Variants in CHRM2 observed in about 807,000 individuals in gnomAD.
CHRM2 encodes the protein muscarinic acetylcholine receptor M2.
In CHRM2, 8 loss-of-function variants were observed where a neutral mutation model predicts 25.0. The observed-to-expected ratio is 0.32, with a 90% CI of 0.19 to 0.58. CHRM2 has a LOEUF of 0.58. Among genes scored for constraint, CHRM2 ranks in the 20% least tolerant of loss-of-function variants. The pLI, the probability that CHRM2 is intolerant of heterozygous loss-of-function variation, is 0.88. For synonymous variants in CHRM2, 202 were observed against 205.7 expected (o/e 0.98, Z 0.15); for missense variants, 440 against 567.1 (o/e 0.78, Z 2.28).
intron 2 of CHRM2, among the ~76,000 whole-genome samples, chr7:136,921,529 T>C (rs922163335): frequency 6.6e-6 from 1 of 152,130 alleles, no homozygotes; most frequent in Non-Finnish European, 1.5e-5. Flanking sequence ...TTTCAGCATG[T>C]GGCCTCTTTA....
At chr7:136,957,210 T>G (rs1437739254) in intron 2 of CHRM2, among the ~76,000 whole-genome samples, 1 of 152,164 alleles carries the variant, frequency 6.6e-6, no homozygotes, top group East Asian at 1.9e-4. Context: ...GTACATCTTT[T>G]GGGGGCAGCC....
Position 136,903,336 on chromosome 7 carries a change from T to C in CHRM2, c.-125+33918T>C, listed in dbSNP as rs186240933. On this transcript the variant is annotated intron_variant, in intron 2 of 3. Transcript: ENST00000680005. ...AACTAAATGGGTGTCTTCTATAGTG[T>C]ATGTGCAAATCTCCTTCAAAAGGAA... The C allele has an allele frequency of 1.3e-3, 597 of 444,758 alleles. 5 individuals are homozygous for C. The highest frequency in any genetic ancestry group is 8.4e-3 in the South Asian group (467 of 55,460). 27.6% of individuals were successfully genotyped at this position (444,758 alleles called of 1,614,324 possible). A position where few individuals can be genotyped will look rare whatever the true frequency, so the allele number is the denominator to read the frequency against.
intron 2 of CHRM2, among the ~76,000 whole-genome samples, chr7:136,884,148 T>G (rs62485225): frequency 6.0e-4 from 91 of 152,182 alleles, no homozygotes; most frequent in Non-Finnish European, 9.3e-4. Context: ...ACAATGAGTT[T>G]GTTCCCTGGA....
chr7:136,926,147 G>C (rs1798737102), intron 2 of CHRM2, among the ~76,000 whole-genome samples: 1 of 152,162 alleles, frequency 6.6e-6, no homozygotes, highest in Non-Finnish European at 1.5e-5. Flanking sequence ...TGAGGCAGGA[G>C]ATTGCTTAAA....
chr7:136,979,811 G>A (rs113130642), intron 2 of CHRM2, among the ~76,000 whole-genome samples: 3 of 152,248 alleles, frequency 2.0e-5, no homozygotes, highest in African/African-American at 7.2e-5. Flanking sequence ...CTATATATCT[G>A]TTTTGGTACC....
At chr7:136,933,311 T>C (rs1292929485) in intron 2 of CHRM2, among the ~76,000 whole-genome samples, 1 of 152,156 alleles carries the variant, frequency 6.6e-6, no homozygotes, top group Non-Finnish European at 1.5e-5. Flanking sequence ...TTAAGCATAT[T>C]TGAATAATTA....
intron 2 of CHRM2, among the ~76,000 whole-genome samples, chr7:136,980,854 C>G (rs1164452389): frequency 6.6e-6 from 1 of 152,102 alleles, no homozygotes; most frequent in Non-Finnish European, 1.5e-5. Context: ...CAGTATTTTA[C>G]TGAGGATTTT....
intron 2 of CHRM2, among the ~76,000 whole-genome samples, chr7:136,961,277 A>AT (rs1458288720): frequency 6.6e-6 from 1 of 152,142 alleles, no homozygotes; most frequent in Non-Finnish European, 1.5e-5. Context: ...GTTTTAGGTG[A>AT]TTTTGCCACT....
At chr7:136,926,844 A>G (rs1372078213) in intron 2 of CHRM2, among the ~76,000 whole-genome samples, 2 of 152,206 alleles carry the variant, frequency 1.3e-5, no homozygotes, top group Admixed American at 1.3e-4. Context: ...GTATGGAGAC[A>G]TAATTGATGA....
intron 2 of CHRM2, among the ~76,000 whole-genome samples, chr7:136,962,463 G>T (rs922841559): frequency 6.6e-6 from 1 of 152,038 alleles, no homozygotes; most frequent in African/African-American, 2.4e-5. Context: ...GGCCAGAAAG[G>T]ATAGTAGAGG....
chr7:136,918,391 A>G (rs1798239771), intron 2 of CHRM2, among the ~76,000 whole-genome samples: 1 of 152,094 alleles, frequency 6.6e-6, no homozygotes, highest in African/African-American at 2.4e-5. Flanking sequence ...CATAATAAAG[A>G]GCAGTAAAAA....
At chr7:136,975,773 T>C (rs1443089541) in intron 2 of CHRM2, among the ~76,000 whole-genome samples, 3 of 152,176 alleles carry the variant, frequency 2.0e-5, no homozygotes, top group African/African-American at 7.2e-5. Context: ...CCAATAAGAT[T>C]GTGCCCATTA....
chr7:137,015,952 C>T lies in CHRM2; in HGVS notation c.1087C>T (p.Arg363Cys), dbSNP rs772049510. 14 of 1,612,890 alleles carry T rather than the reference C, an allele frequency of 8.7e-6. No homozygotes were observed. Among genetic ancestry groups the T allele is most frequent in the South Asian group, 3.3e-5 (3 of 91,054 alleles). The change falls in exon 4 of 4, where the codon CGC becomes TGC. Residue 363 changes from arginine (R) to cysteine (C), a missense_variant. Transcript: ENST00000680005. This position sits in a 1 kb window ranked among gnomAD's most constrained non-coding sequence, Gnocchi z 5.1. Reference protein sequence around the residue: ...NGDEKQNIVARKIVKMTKQPA... With the variant: ...NGDEKQNIVACKIVKMTKQPA... ...AGATGAAAAGCAGAATATTGTAGCC[C>T]GCAAGATTGTGAAGATGACTAAGCA...
intron 3 of CHRM2, among the ~76,000 whole-genome samples, chr7:137,008,861 T>C (rs983439060): frequency 1.3e-5 from 2 of 152,094 alleles, no homozygotes; most frequent in African/African-American, 4.8e-5. Context: ...GACTTTTCTA[T>C]TTCTTCTAGA....
intron 2 of CHRM2, chr7:136,870,912 CTTTTT>C (rs1357297023): frequency 6.6e-6 from 1 of 152,404 alleles, no homozygotes; most frequent in East Asian, 1.9e-4. Context: ...GTCTTCTTTT[CTTTTT>C]TGTTTGTTTT....
chr7:136,887,231 T>TA (rs1796503013), intron 2 of CHRM2, among the ~76,000 whole-genome samples: 1 of 152,224 alleles, frequency 6.6e-6, no homozygotes. Context: ...CATCATGTTG[T>TA]ATATCTTAAA....
At chr7:136,994,781 A>G (rs942429250) in intron 3 of CHRM2, among the ~76,000 whole-genome samples, 3 of 151,774 alleles carry the variant, frequency 2.0e-5, no homozygotes, top group South Asian at 2.1e-4. Context: ...ATTTAAAAGT[A>G]GCTTAAATTA....
At chr7:136,983,737 C>T (rs1482776408) in intron 2 of CHRM2, among the ~76,000 whole-genome samples, 2 of 152,152 alleles carry the variant, frequency 1.3e-5, no homozygotes, top group Non-Finnish European at 2.9e-5. Context: ...CACTTCAGAC[C>T]CTGTTTGCCT....
intron 2 of CHRM2, among the ~76,000 whole-genome samples, chr7:136,966,110 C>T (rs1166527323): frequency 1.3e-5 from 2 of 151,044 alleles, no homozygotes; most frequent in African/African-American, 4.9e-5. Flanking sequence ...TAATTGATGC[C>T]CAAAAAGGGG....
Sources: gnomAD v4.1 joint callset for allele counts (sites outside exome capture counted in the v4.1 genomes callset) on GRCh38, gnomAD v4.1.1 for gene constraint, Gnocchi (gnomAD v3.1) non-coding constraint, MANE v1.5 for transcripts, NCBI Gene and HGNC (gene_info 2026-07-23, HGNC 2026-07-21) for gene names.